Variants in USP37 observed in about 807,000 individuals in gnomAD.
The protein encoded by USP37 is ubiquitin carboxyl-terminal hydrolase 37.
A neutral mutation model predicts 124.0 loss-of-function variants in USP37; 27 were observed. That is an observed-to-expected ratio of 0.22 (90% CI 0.16 to 0.30). The LOEUF (loss-of-function observed/expected upper bound fraction) is 0.30, where lower values mean the gene tolerates loss of function less well. Ranked by LOEUF, USP37 falls within the 10% of genes least tolerant of loss-of-function variation. The pLI is 1.00. For synonymous variants in USP37, 365 were observed against 388.0 expected, an observed-to-expected ratio of 0.94 and a Z score of 0.70; for missense variants, 889 against 1,140.4, an observed-to-expected ratio of 0.78 and a Z score of 3.17.
intron 10 of USP37, among the ~76,000 whole-genome samples, chr2:218,520,718 A>G (rs1485310920): frequency 6.6e-6 from 1 of 152,202 alleles, no homozygotes; most frequent in Non-Finnish European, 1.5e-5. Context: ...ACCAAAGTCC[A>G]TATATTACAT....
intron 14 of USP37, among the ~76,000 whole-genome samples, chr2:218,490,482 C>T (rs1361660384): frequency 3.3e-5 from 5 of 152,184 alleles, no homozygotes; most frequent in African/African-American, 7.2e-5. Flanking sequence ...ATTCAATTTA[C>T]CTAGAGGCAA....
At chr2:218,544,634 G>A (rs1227133658) in intron 8 of USP37, among the ~76,000 whole-genome samples, 1 of 151,944 alleles carries the variant, frequency 6.6e-6, no homozygotes, top group Non-Finnish European at 1.5e-5. Flanking sequence ...GCAAAGCCAG[G>A]GGTCACATGG....
chr2:218,463,854 A>G (rs1727106), intron 21 of USP37, among the ~76,000 whole-genome samples: 17 of 48,874 alleles, frequency 3.5e-4, no homozygotes, highest in African/African-American at 9.7e-4. Context: ...ATTTTTTAAG[A>G]TTTTTTTTTT....
intron 11 of USP37, among the ~76,000 whole-genome samples, chr2:218,506,135 A>AT (rs1689665451): frequency 6.6e-6 from 1 of 152,090 alleles, no homozygotes. Flanking sequence ...AAGTGCTGGT[A>AT]TAACAGGCAT....
Position 218,563,874 on chromosome 2 carries a change from T to C in USP37, c.-229-1061A>G, listed in dbSNP as rs555716913. Among the ~76,000 whole-genome samples the C allele has an allele frequency of 3.9e-5, 6 of 152,060 alleles. No individual in the cohort carries two copies. The South Asian group carries it at 1.2e-3, about 32-fold the overall frequency. ...TTCGAGACCAGCCTGGCCAATGTGG[T>C]CTCGAACACATTGAGACCACAATGT... On this transcript the variant is annotated intron_variant, in intron 1 of 25. Transcript: ENST00000258399.
At chr2:218,484,669 A>C (rs1691456968) in intron 16 of USP37, among the ~76,000 whole-genome samples, 1 of 147,844 alleles carries the variant, frequency 6.8e-6, no homozygotes, top group African/African-American at 2.5e-5. Flanking sequence ...AAAAAAAACC[A>C]ACTCCCATTT....
At position 218,558,995 on chromosome 2, in the gene USP37, A is replaced by G. The variant is rs570908106; in HGVS notation, c.-24-318T>C. Among the ~76,000 whole-genome samples, 6 of 114,402 alleles carry G rather than the reference A, an allele frequency of 5.2e-5. No homozygotes were observed. In the East Asian group the frequency reaches 2.0e-3, roughly 39 times the overall value. The allele number at this position is 114,402 out of a possible 152,430, so 75.1% of individuals were successfully genotyped here. The stretch of plus-strand genomic sequence containing the variant: ...AGCTAATGGGTCTGGATTTCCAAAT[A>G]TAAGTTAAAAAAAAAAAAAAAGTGT... On this transcript the variant is annotated intron_variant, in intron 3 of 25. Coordinates refer to ENST00000258399, the MANE Select transcript of USP37 (RefSeq NM_020935.3).
intron 11 of USP37, among the ~76,000 whole-genome samples, chr2:218,508,237 T>C (rs1689782641): frequency 6.6e-6 from 1 of 152,148 alleles, no homozygotes; most frequent in African/African-American, 2.4e-5. Flanking sequence ...CAGTCTCCAT[T>C]ACCCTTTAGA....
intron 6 of USP37, among the ~76,000 whole-genome samples, chr2:218,548,307 GAAT>G (rs1054267934): frequency 1.3e-5 from 2 of 151,874 alleles, no homozygotes; most frequent in African/African-American, 2.4e-5. Context: ...TCAGAATTTT[GAAT>G]ATTATCCCAT....
chr2:218,472,506 C>T (rs371402439), intron 20 of USP37, among the ~76,000 whole-genome samples: 22 of 151,768 alleles, frequency 1.4e-4, no homozygotes, highest in African/African-American at 4.4e-4. Context: ...TCTTGTTGCC[C>T]AGGATGAAGT....
chr2:218,503,702 CA>C (rs755300853), intron 11 of USP37, among the ~76,000 whole-genome samples: 62 of 151,070 alleles, frequency 4.1e-4, no homozygotes, highest in Admixed American at 9.9e-4. Flanking sequence ...GCAACGAGAG[CA>C]AAACTCCATC....
At chr2:218,473,720 C>T (rs1690810962) in intron 20 of USP37, among the ~76,000 whole-genome samples, 2 of 152,040 alleles carry the variant, frequency 1.3e-5, no homozygotes, top group African/African-American at 2.4e-5. Flanking sequence ...TCTGTTGTTC[C>T]CACTGATAGC....
At chr2:218,544,439 A>G (rs1370489881) in intron 8 of USP37, among the ~76,000 whole-genome samples, 1,456 of 137,348 alleles carry the variant, frequency 0.011, 49 homozygotes, top group African/African-American at 0.039. Flanking sequence ...ATAGAGAGAG[A>G]GAGAGAGAGA....
chr2:218,558,591 C>G lies in USP37; in HGVS notation c.63G>C (p.Lys21Asn), dbSNP rs769438674. ...RIRSMQTGIT[K>N]WKEGSFEIVE... ...CAATTTCAAAGGATCCTTCTTTCCACTTTGTAATCCCAGTCTGCATACTTC... is the reference window on the plus strand; with the variant it reads ...CAATTTCAAAGGATCCTTCTTTCCAGTTTGTAATCCCAGTCTGCATACTTC... The change falls in exon 4 of 26, where the codon AAG becomes AAC. Residue 21 changes from lysine (K) to asparagine (N), a missense_variant. Transcript: ENST00000258399. 6.2e-7 allele frequency: 1 copy of G among 1,613,456 alleles called. No individual in the cohort carries two copies. Among genetic ancestry groups the G allele is most frequent in the Non-Finnish European group, 8.5e-7 (1 of 1,179,826 alleles).
At chr2:218,493,106 G>GT (rs1303917560) in intron 14 of USP37, among the ~76,000 whole-genome samples, 8 of 151,710 alleles carry the variant, frequency 5.3e-5, no homozygotes, top group Non-Finnish European at 7.4e-5. Flanking sequence ...AACTGTAATG[G>GT]TTTTTTTTAA....
At chr2:218,484,897 T>A (rs1691473012) in intron 16 of USP37, among the ~76,000 whole-genome samples, 1 of 152,204 alleles carries the variant, frequency 6.6e-6, no homozygotes, top group Non-Finnish European at 1.5e-5. Flanking sequence ...ACATAATAAT[T>A]TTTTGTAACT....
In USP37 at chr2:218,454,919, G is replaced by T. The variant is rs764470500; in HGVS notation, c.*11C>A. ...TATGCAGTGCATGCTGCCAACCCAG[G>T]AGTTTGTTCCTCACAAGGCCTGACG... On this transcript the variant is annotated 3_prime_UTR_variant, in exon 26 of 26. Coordinates refer to ENST00000258399, the MANE Select transcript of USP37 (RefSeq NM_020935.3). The T allele has an allele frequency of 1.7e-5, 28 of 1,613,452 alleles. No homozygotes were observed. The highest frequency in any genetic ancestry group is 1.6e-4 in the Middle Eastern group (1 of 6,078).
chr2:218,473,578 T>C (rs1690805130), intron 20 of USP37, among the ~76,000 whole-genome samples: 2 of 152,128 alleles, frequency 1.3e-5, no homozygotes, highest in African/African-American at 4.8e-5. Flanking sequence ...TGAAACACAT[T>C]AGCAATATAT....
At chr2:218,542,777 T>C (rs1692061702) in intron 8 of USP37, among the ~76,000 whole-genome samples, 2 of 152,192 alleles carry the variant, frequency 1.3e-5, no homozygotes, top group African/African-American at 4.8e-5. Context: ...TTTTCAACTG[T>C]CCTAATGATT....
Sources: gnomAD v4.1 joint callset for allele counts (sites outside exome capture counted in the v4.1 genomes callset) on GRCh38, gnomAD v4.1.1 for gene constraint, MANE v1.5 for transcripts, NCBI Gene and HGNC (gene_info 2026-07-23, HGNC 2026-07-21) for gene names.